The following ZNF385D variants were observed in gnomAD, a reference collection of about 807,000 sequenced individuals.
The protein encoded by ZNF385D is zinc finger protein 385D, also known as zinc finger protein 659.
Under a neutral mutation model 35.8 loss-of-function variants are expected in ZNF385D, and 15 were observed. That is an observed-to-expected ratio of 0.42 (90% CI 0.28 to 0.64). The LOEUF (loss-of-function observed/expected upper bound fraction) is 0.64, where lower values mean the gene tolerates loss of function less well. ZNF385D is among the 30% of genes least tolerant of loss of function. ZNF385D has a pLI of 0.23. For missense variants in ZNF385D, 474 were observed against 494.6 expected, an observed-to-expected ratio of 0.96 and a Z score of 0.39; for synonymous variants, 212 against 186.8, an observed-to-expected ratio of 1.13 and a Z score of -1.10.
intron 2 of ZNF385D, among the ~76,000 whole-genome samples, chr3:21,624,249 C>T (rs2125820951): frequency 6.6e-6 from 1 of 152,172 alleles, no homozygotes; most frequent in Non-Finnish European, 1.5e-5. Context: ...GCCCTTGGAG[C>T]TTCCCAGCTT....
intron 3 of ZNF385D, among the ~76,000 whole-genome samples, chr3:22,017,241 G>A (rs971799918): frequency 6.6e-6 from 1 of 151,948 alleles, no homozygotes; most frequent in Non-Finnish European, 1.5e-5. Flanking sequence ...GTTGTGAAGT[G>A]TACATCTGGT....
intron 2 of ZNF385D, among the ~76,000 whole-genome samples, chr3:22,201,527 A>G (rs1016818211): frequency 6.6e-6 from 1 of 152,090 alleles, no homozygotes; most frequent in Non-Finnish European, 1.5e-5. Flanking sequence ...AGATACAGAA[A>G]AAAAGAAAGA....
chr3:21,975,501 A>G (rs1257335104), intron 3 of ZNF385D, among the ~76,000 whole-genome samples: 1 of 152,102 alleles, frequency 6.6e-6, no homozygotes, highest in Non-Finnish European at 1.5e-5. Context: ...CAAGGTGACT[A>G]CACTCAATAA....
intron 3 of ZNF385D, among the ~76,000 whole-genome samples, chr3:21,543,771 G>A (rs1331383705): frequency 6.6e-6 from 1 of 152,082 alleles, no homozygotes; most frequent in African/African-American, 2.4e-5. Context: ...GTTGTATTAA[G>A]GTAGGCCCCC....
chr3:22,015,890 T>C (rs1440880098), intron 3 of ZNF385D, among the ~76,000 whole-genome samples: 2 of 152,094 alleles, frequency 1.3e-5, no homozygotes, highest in Non-Finnish European at 2.9e-5. Context: ...CCTTGGACTG[T>C]TGTGCCCACG....
intron 3 of ZNF385D, among the ~76,000 whole-genome samples, chr3:21,518,525 A>G (rs1349728389): frequency 1.3e-5 from 2 of 152,200 alleles, no homozygotes; most frequent in Non-Finnish European, 2.9e-5. Context: ...AAAAATAATG[A>G]CAGTAATAAT....
intron 3 of ZNF385D, among the ~76,000 whole-genome samples, chr3:21,931,506 T>C (rs928411730): frequency 4.6e-5 from 7 of 152,198 alleles, no homozygotes; most frequent in African/African-American, 1.2e-4. Flanking sequence ...ACCAAAACTT[T>C]AAGCAATCCA....
At chr3:22,134,415 G>T (rs1435251543) in intron 3 of ZNF385D, 1 of 152,008 alleles carries the variant, frequency 6.6e-6, no homozygotes, top group Non-Finnish European at 1.5e-5. Flanking sequence ...AATTATTAGG[G>T]ACTTCCAAAC....
At chr3:22,072,849 G>A (rs924825959) in intron 3 of ZNF385D, among the ~76,000 whole-genome samples, 2 of 152,042 alleles carry the variant, frequency 1.3e-5, no homozygotes, top group African/African-American at 4.8e-5. Context: ...TAGTGTCCTA[G>A]AATACATATT....
intron 6 of ZNF385D, among the ~76,000 whole-genome samples, chr3:21,424,975 A>G (rs1270537304): frequency 6.6e-6 from 1 of 152,238 alleles, no homozygotes; most frequent in East Asian, 1.9e-4. Flanking sequence ...CATAGTAAAA[A>G]TGAACACAAC....
chr3:21,504,385 T>A (rs962842510), intron 4 of ZNF385D, among the ~76,000 whole-genome samples: 1 of 152,292 alleles, frequency 6.6e-6, no homozygotes, highest in East Asian at 1.9e-4. Flanking sequence ...CCGCTGTTCT[T>A]TCGTGAAACC....
chr3:22,357,350 T>A (rs1457317886), intron 2 of ZNF385D, among the ~76,000 whole-genome samples: 1 of 151,882 alleles, frequency 6.6e-6, no homozygotes, highest in East Asian at 1.9e-4. Context: ...ACTTTTCAAT[T>A]AGATGCAAGA....
intron 2 of ZNF385D, among the ~76,000 whole-genome samples, chr3:21,607,414 C>A (rs1693262598): frequency 1.3e-5 from 2 of 152,098 alleles, no homozygotes; most frequent in African/African-American, 4.8e-5. Context: ...TGCAGAAGTT[C>A]CAGTGTGAAT....
At chr3:21,598,243 CAT>C (rs945511327) in intron 2 of ZNF385D, among the ~76,000 whole-genome samples, 5 of 152,078 alleles carry the variant, frequency 3.3e-5, no homozygotes, top group African/African-American at 1.2e-4. Context: ...AAATTATACA[CAT>C]ATATCTCATT....
intron 2 of ZNF385D, among the ~76,000 whole-genome samples, chr3:22,267,516 T>C (rs1700957547): frequency 6.6e-6 from 1 of 151,898 alleles, no homozygotes; most frequent in Non-Finnish European, 1.5e-5. Flanking sequence ...AATTATAGTG[T>C]CAGTGAAAAT....
chr3:21,631,386 A>G (rs2125835764), intron 2 of ZNF385D, among the ~76,000 whole-genome samples: 1 of 151,180 alleles, frequency 6.6e-6, no homozygotes, highest in East Asian at 2.0e-4. Flanking sequence ...GAGCAGGCCC[A>G]CCTCCTCTTA....
intron 3 of ZNF385D, among the ~76,000 whole-genome samples, chr3:22,057,720 G>A (rs1210370359): frequency 6.6e-6 from 1 of 151,958 alleles, no homozygotes; most frequent in African/African-American, 2.4e-5. Context: ...CACCATGTTG[G>A]TCAGGCTGGT....
intron 3 of ZNF385D, among the ~76,000 whole-genome samples, chr3:22,009,896 T>G (rs1205358995): frequency 1.3e-5 from 2 of 150,636 alleles, no homozygotes; most frequent in Admixed American, 1.3e-4. Context: ...TTCATAAAAA[T>G]ACAAAATTTT....
intron 3 of ZNF385D, among the ~76,000 whole-genome samples, chr3:21,926,846 C>T (rs573232433): frequency 6.6e-6 from 1 of 152,262 alleles, no homozygotes; most frequent in South Asian, 2.1e-4. Context: ...AAGAAAATTT[C>T]ATCAGAGTGA....
Sources: gnomAD v4.1 joint callset for allele counts (sites outside exome capture counted in the v4.1 genomes callset) on GRCh38, gnomAD v4.1.1 for gene constraint, MANE v1.5 for transcripts, NCBI Gene and HGNC (gene_info 2026-07-23, HGNC 2026-07-21) for gene names.